TBC1D4: variants seen among roughly 807,000 people sequenced by gnomAD.
TBC1D4 encodes TBC (Tre-2, BUB2, CDC16) domain-containing protein.
Under a neutral mutation model 142.5 loss-of-function variants are expected in TBC1D4, and 121 were observed. The observed-to-expected ratio is 0.85, with a 90% CI of 0.73 to 0.99. The LOEUF is 0.99. Ranked by LOEUF, TBC1D4 falls within the 50% of genes least tolerant of loss-of-function variation. TBC1D4 has a pLI of 0.00. For synonymous variants in TBC1D4, 630 were observed against 628.2 expected, an observed-to-expected ratio of 1.00 and a Z score of -0.04; for missense variants, 1,475 against 1,606.6, an observed-to-expected ratio of 0.92 and a Z score of 1.40.
intron 1 of TBC1D4, among the ~76,000 whole-genome samples, chr13:75,479,405 C>T (rs1888744384): frequency 6.6e-6 from 1 of 151,960 alleles, no homozygotes; most frequent in African/African-American, 2.4e-5. Context: ...GGGAAGTGAG[C>T]CTAAACATAT....
chr13:75,481,128 G>A, intron 1 of TBC1D4, 142 bp downstream of exon 1: 8 of 1,315,420 alleles, frequency 6.1e-6, no homozygotes, highest in Non-Finnish European at 8.1e-6. Context: ...GGGCCAGCCG[G>A]CGCTTGAGCG....
At chr13:75,326,138 G>A in intron 10 of TBC1D4, 59 bp downstream of exon 10, 2 of 1,573,150 alleles carry the variant, frequency 1.3e-6, no homozygotes, top group Non-Finnish European at 1.7e-6. Flanking sequence ...TGACTCCAGA[G>A]TAATCAAAAC....
chr13:75,385,239 T>C (rs190845869), intron 1 of TBC1D4, among the ~76,000 whole-genome samples: 26 of 152,310 alleles, frequency 1.7e-4, no homozygotes, highest in African/African-American at 6.0e-4. Context: ...TGGCACTATA[T>C]TTAGCCACCC....
chr13:75,338,776 A>G (rs1338714408), intron 7 of TBC1D4, among the ~76,000 whole-genome samples: 3 of 152,084 alleles, frequency 2.0e-5, no homozygotes. Context: ...CACATTTCCA[A>G]ATTGAATTCT....
At chr13:75,304,382 C>T (rs556066098) in intron 15 of TBC1D4, among the ~76,000 whole-genome samples, 1 of 152,016 alleles carries the variant, frequency 6.6e-6, no homozygotes, top group South Asian at 2.1e-4. Context: ...ATGAATAAAT[C>T]CATTCTCAGG....
intron 1 of TBC1D4, among the ~76,000 whole-genome samples, chr13:75,432,858 C>T (rs890629457): frequency 4.6e-5 from 7 of 151,114 alleles, no homozygotes; most frequent in African/African-American, 9.8e-5. Context: ...TGGAGAATGT[C>T]GTGAACCCGG....
rs1337251707 is a variant in TBC1D4 at position 75,285,291 on chromosome 13, C to T, written c.*1501G>A. On this transcript the variant is annotated 3_prime_UTR_variant, in exon 21 of 21. Coordinates refer to ENST00000377636, the MANE Select transcript of TBC1D4 (RefSeq NM_014832.5). ...GCTTTCTGAAACCCCTAGAGCTTTA[C>T]TATTCTACTCTATAATACATTTTCA... The T allele has an allele frequency of 6.6e-6, 1 of 152,174 alleles. No homozygotes were observed. The highest frequency in any genetic ancestry group is 1.5e-5 in the Non-Finnish European group (1 of 68,028). The allele number at this position is 152,174 out of a possible 1,614,324, so 9.4% of individuals were successfully genotyped here.
intron 15 of TBC1D4, chr13:75,302,883 G>A (rs1876722302): frequency 5.2e-6 from 1 of 192,552 alleles, no homozygotes. Context: ...ATATCCCAAA[G>A]TGTATTACTG....
intron 1 of TBC1D4, among the ~76,000 whole-genome samples, chr13:75,410,318 A>G (rs1885583954): frequency 1.3e-5 from 2 of 152,296 alleles, no homozygotes; most frequent in Middle Eastern, 3.4e-3. Flanking sequence ...CACACACAGT[A>G]ATCCAGGTGC....
At chr13:75,390,099 A>C (rs1480974896) in intron 1 of TBC1D4, among the ~76,000 whole-genome samples, 1 of 151,962 alleles carries the variant, frequency 6.6e-6, no homozygotes, top group Non-Finnish European at 1.5e-5. Context: ...AACATGGTGA[A>C]ACCTCGTCTC....
chr13:75,283,744 C>T lies in TBC1D4; in HGVS notation c.*3048G>A, dbSNP rs1874465912. Among the ~76,000 whole-genome samples, 1 of 152,108 alleles carries T rather than the reference C, an allele frequency of 6.6e-6. No homozygotes were observed. Among genetic ancestry groups the T allele is most frequent in the African/African-American group, 2.4e-5 (1 of 41,418 alleles). ...TTGCTTATATTTTTCTTTCAAAAGT[C>T]TCCATTGAGAAAGTAAGTTGAAAAA... On this transcript the variant is annotated 3_prime_UTR_variant, in exon 21 of 21. Coordinates refer to ENST00000377636, the MANE Select transcript of TBC1D4 (RefSeq NM_014832.5).
intron 5 of TBC1D4, among the ~76,000 whole-genome samples, chr13:75,347,292 C>T (rs1387034742): frequency 1.3e-5 from 2 of 152,102 alleles, no homozygotes; most frequent in Non-Finnish European, 2.9e-5. Context: ...TTTTAATTTC[C>T]TTTTCTGAGA....
At position 75,337,055 on chromosome 13, in the gene TBC1D4, A is replaced by G. The variant is rs1428075207; in HGVS notation, c.1612-15T>C. 1.2e-6 allele frequency: 2 copies of G among 1,609,532 alleles called. No individual in the cohort carries two copies. Among genetic ancestry groups the G allele is most frequent in the Non-Finnish European group, 1.7e-6 (2 of 1,176,586 alleles). On this transcript the variant is annotated splice_polypyrimidine_tract_variant and intron_variant, in intron 7 of 20. Coordinates refer to ENST00000377636, the MANE Select transcript of TBC1D4 (RefSeq NM_014832.5). ...TTTGAAATAGTCTAAAAAAAGAAAAACAGATACATTTTAGTTTGGAAATAC... is the reference window on the plus strand; with the variant it reads ...TTTGAAATAGTCTAAAAAAAGAAAAGCAGATACATTTTAGTTTGGAAATAC...
intron 1 of TBC1D4, among the ~76,000 whole-genome samples, chr13:75,436,435 C>A (rs1413198902): frequency 6.6e-6 from 1 of 152,114 alleles, no homozygotes; most frequent in Non-Finnish European, 1.5e-5. Flanking sequence ...GCAGCCAGAT[C>A]ATTTAAGCTC....
intron 5 of TBC1D4, among the ~76,000 whole-genome samples, chr13:75,342,439 C>A (rs1161374440): frequency 6.6e-6 from 1 of 152,150 alleles, no homozygotes; most frequent in Non-Finnish European, 1.5e-5. Flanking sequence ...ACGGCTTTGA[C>A]AGAGATCTCT....
At chr13:75,372,233 T>C (rs1051967962) in intron 1 of TBC1D4, among the ~76,000 whole-genome samples, 3 of 151,840 alleles carry the variant, frequency 2.0e-5, no homozygotes, top group African/African-American at 7.3e-5. Context: ...TTCAACCAGA[T>C]GCTCTTTATT....
intron 1 of TBC1D4, among the ~76,000 whole-genome samples, chr13:75,447,499 A>AGTGT (rs1887335918): frequency 4.8e-5 from 3 of 62,898 alleles, no homozygotes; most frequent in African/African-American, 1.6e-4. Context: ...GCATAGTGTG[A>AGTGT]ATGTGTGTGT....
intron 12 of TBC1D4, among the ~76,000 whole-genome samples, chr13:75,313,616 G>T (rs1002685081): frequency 1.3e-5 from 2 of 152,174 alleles, no homozygotes; most frequent in Admixed American, 1.3e-4. Context: ...CGACCTCCCA[G>T]GCTCAAGAGA....
intron 1 of TBC1D4, among the ~76,000 whole-genome samples, chr13:75,477,954 A>G (rs1888688046): frequency 6.6e-6 from 1 of 152,160 alleles, no homozygotes; most frequent in African/African-American, 2.4e-5. Context: ...TTCTCTTTGC[A>G]CCTTGGAGAA....
Sources: gnomAD v4.1 joint callset for allele counts (sites outside exome capture counted in the v4.1 genomes callset) on GRCh38, gnomAD v4.1.1 for gene constraint, MANE v1.5 for transcripts, NCBI Gene and HGNC (gene_info 2026-07-23, HGNC 2026-07-21) for gene names.